The following GLIS1 variants were observed in gnomAD, a reference collection of about 807,000 sequenced individuals.
GLIS1 encodes the protein zinc finger protein GLIS1.
GLIS1 carries 24 observed loss-of-function variants against 63.8 expected under a neutral mutation model. That is an observed-to-expected ratio of 0.38 (90% CI 0.27 to 0.53). GLIS1 has a LOEUF of 0.53. GLIS1 is among the 20% of genes least tolerant of loss of function. GLIS1 has a pLI of 0.85. For missense variants in GLIS1, 1,036 were observed against 1,074.1 expected, an observed-to-expected ratio of 0.96 and a Z score of 0.50; for synonymous variants, 450 against 482.5, an observed-to-expected ratio of 0.93 and a Z score of 0.88.
Position 53,596,208 on chromosome 1 carries a change from G to A in GLIS1, c.438-1218C>T, listed in dbSNP as rs868722794. Reference sequence around the variant, plus strand: ...CATGTGGAACATTCCCTCCACCACTGCGCAGGAGGCCAGGCTTAAATAACA... The same window carrying A: ...CATGTGGAACATTCCCTCCACCACTACGCAGGAGGCCAGGCTTAAATAACA... On this transcript the variant is annotated intron_variant, in intron 3 of 10. Coordinates refer to ENST00000628545, the MANE Select transcript of GLIS1 (RefSeq NM_001367484.1). 2.6e-5 allele frequency among the ~76,000 whole-genome samples: 4 copies of A among 152,326 alleles called. 1 individual carries two copies. Among genetic ancestry groups the A allele is most frequent in the Middle Eastern group, 6.8e-3 (2 of 294 alleles).
chr1:53,709,411 T>TATACACAC (rs1646621092), intron 2 of GLIS1, among the ~76,000 whole-genome samples: 1 of 14,900 alleles, frequency 6.7e-5, no homozygotes, highest in African/African-American at 8.5e-5. Context: ...CATATATATA[T>TATACACAC]ACACACACAC....
At chr1:53,622,537 C>G (rs1645556998) in intron 2 of GLIS1, among the ~76,000 whole-genome samples, 1 of 151,856 alleles carries the variant, frequency 6.6e-6, no homozygotes, top group South Asian at 2.1e-4. Context: ...TTGGCAGATG[C>G]AATGAAGTTA....
chr1:53,653,013 A>C (rs1445721924), intron 2 of GLIS1, among the ~76,000 whole-genome samples: 1 of 152,220 alleles, frequency 6.6e-6, no homozygotes, highest in East Asian at 1.9e-4. Flanking sequence ...CTGCACACAC[A>C]GGAGGCTCAG....
At chr1:53,550,386 G>C (rs1353734352) in intron 4 of GLIS1, among the ~76,000 whole-genome samples, 2 of 152,202 alleles carry the variant, frequency 1.3e-5, no homozygotes, top group African/African-American at 4.8e-5. Flanking sequence ...AGGCCTCTGG[G>C]GGAGGCTTGC....
chr1:53,670,810 G>C (rs1370755344), intron 2 of GLIS1, among the ~76,000 whole-genome samples: 3 of 152,224 alleles, frequency 2.0e-5, no homozygotes, highest in Non-Finnish European at 4.4e-5. Flanking sequence ...CACCTCACCT[G>C]ACCCATGGGA....
At chr1:53,575,426 C>T (rs1281075466) in intron 4 of GLIS1, among the ~76,000 whole-genome samples, 1 of 152,218 alleles carries the variant, frequency 6.6e-6, no homozygotes, top group Non-Finnish European at 1.5e-5. Flanking sequence ...CTCTCATCTC[C>T]AAGCTTTGCC....
rs116586578 is a variant in GLIS1, at chr1:53,611,313, C to T, written c.260-11035G>A. Among the ~76,000 whole-genome samples the T allele has an allele frequency of 8.7e-3, 1,331 of 152,274 alleles. 19 individuals are homozygous for T. Among genetic ancestry groups the T allele is most frequent in the African/African-American group, 0.031 (1,273 of 41,556 alleles). ...ACAGTTTGCCCAGACTAGTCTTGAA[C>T]TTCTGGGCTCAAGTGATCCTCCTGC... On this transcript the variant is annotated intron_variant, in intron 2 of 10. Transcript: ENST00000628545.
At chr1:53,569,854 A>G (rs1175956603) in intron 4 of GLIS1, among the ~76,000 whole-genome samples, 1 of 152,094 alleles carries the variant, frequency 6.6e-6, no homozygotes, top group Non-Finnish European at 1.5e-5. Context: ...CAAAAAGCAT[A>G]AGAAGACTTA....
chr1:53,721,867 T>G (rs141739574), intron 2 of GLIS1, among the ~76,000 whole-genome samples: 1,679 of 152,240 alleles, frequency 0.011, 28 homozygotes, highest in African/African-American at 0.038. Flanking sequence ...CATAAAAAAC[T>G]TATTAAGACA....
chr1:53,595,567 G>A (rs1448777584), intron 3 of GLIS1, among the ~76,000 whole-genome samples: 1 of 152,110 alleles, frequency 6.6e-6, no homozygotes, highest in Non-Finnish European at 1.5e-5. Context: ...CCCAGCCCTG[G>A]ATGCCACGCC....
intron 4 of GLIS1, among the ~76,000 whole-genome samples, chr1:53,543,696 C>T (rs1569792433): frequency 1.3e-5 from 2 of 152,072 alleles, no homozygotes; most frequent in Non-Finnish European, 2.9e-5. Flanking sequence ...TCTTAAAACC[C>T]CAAATCGCCA....
chr1:53,517,440 C>T (rs568205016), intron 7 of GLIS1, among the ~76,000 whole-genome samples: 8 of 152,292 alleles, frequency 5.3e-5, no homozygotes, highest in African/African-American at 1.4e-4. Flanking sequence ...ACACTTTGAG[C>T]CACTCACTAC....
chr1:53,694,345 C>G (rs944471602), intron 2 of GLIS1, among the ~76,000 whole-genome samples: 3 of 152,178 alleles, frequency 2.0e-5, no homozygotes, highest in African/African-American at 7.2e-5. Flanking sequence ...TTCCCCTCCC[C>G]ATACCTCACC....
At chr1:53,647,979 C>G (rs933584197) in intron 2 of GLIS1, among the ~76,000 whole-genome samples, 1 of 152,084 alleles carries the variant, frequency 6.6e-6, no homozygotes, top group Non-Finnish European at 1.5e-5. Flanking sequence ...CAAGACCAAT[C>G]TGGTCAACAT....
chr1:53,696,942 C>G (rs1404366811), intron 2 of GLIS1, among the ~76,000 whole-genome samples: 1 of 152,348 alleles, frequency 6.6e-6, no homozygotes, highest in Admixed American at 6.5e-5. Context: ...CACAGAATAC[C>G]TTCCACGTGG....
intron 2 of GLIS1, among the ~76,000 whole-genome samples, chr1:53,622,287 G>C (rs991995378): frequency 2.0e-5 from 3 of 151,870 alleles, no homozygotes; most frequent in African/African-American, 7.2e-5. Flanking sequence ...TACTAGCTGG[G>C]TGTGGTGGTG....
At chr1:53,643,271 G>A (rs1024510105) in intron 2 of GLIS1, among the ~76,000 whole-genome samples, 4 of 152,160 alleles carry the variant, frequency 2.6e-5, no homozygotes, top group Non-Finnish European at 5.9e-5. Context: ...AAGTTTTAAC[G>A]TTGCCCCAGC....
At chr1:53,508,828 G>A (rs567456464) in intron 10 of GLIS1, among the ~76,000 whole-genome samples, 48 of 152,356 alleles carry the variant, frequency 3.2e-4, no homozygotes, top group African/African-American at 1.1e-3. Flanking sequence ...ATAAAGTGAA[G>A]CAGTAATTAA....
Position 53,639,067 on chromosome 1 carries a change from G to C in GLIS1, c.260-38789C>G, listed in dbSNP as rs1199711920. Among the ~76,000 whole-genome samples the C allele has an allele frequency of 1.3e-5, 2 of 152,168 alleles. No individual in the cohort carries two copies. Among genetic ancestry groups the C allele is most frequent in the South Asian group, 4.1e-4 (2 of 4,826 alleles). On this transcript the variant is annotated intron_variant, in intron 2 of 10. Coordinates refer to ENST00000628545, the MANE Select transcript of GLIS1 (RefSeq NM_001367484.1). This position sits in a 1 kb window ranked among gnomAD's most constrained non-coding sequence, Gnocchi z 4.6. ...CCCTGAATCAAAGGATTGAAACTAG[G>C]ATCTGCCACTGGTTAACTGTGTGAC...
Sources: allele counts gnomAD v4.1 joint callset (sites outside exome capture counted in the v4.1 genomes callset), GRCh38; gene constraint gnomAD v4.1.1; non-coding constraint Gnocchi (gnomAD v3.1); transcripts MANE v1.5; gene names NCBI Gene and HGNC (gene_info 2026-07-23, HGNC 2026-07-21).